The following IL1RAPL1 variants were observed in gnomAD, a reference collection of about 807,000 sequenced individuals.
IL1RAPL1 encodes interleukin 1 receptor accessory protein like 1, also known as interleukin-1 receptor accessory protein-like 1.
A neutral mutation model predicts 48.4 loss-of-function variants in IL1RAPL1; 3 were observed. The observed-to-expected ratio is 0.06, with a 90% CI of 0.03 to 0.16. The LOEUF (loss-of-function observed/expected upper bound fraction) is 0.16. Ranked by LOEUF, IL1RAPL1 falls within the 10% of genes least tolerant of loss-of-function variation. The pLI, the probability that IL1RAPL1 is intolerant of heterozygous loss-of-function variation, is 1.00. For missense variants in IL1RAPL1, 349 were observed against 530.6 expected, an observed-to-expected ratio of 0.66 and a Z score of 3.36; for synonymous variants, 185 against 187.7, an observed-to-expected ratio of 0.99 and a Z score of 0.12.
intron 6 of IL1RAPL1, among the ~76,000 whole-genome samples, chrX:29,684,424 C>T (rs1926559315): frequency 8.9e-6 from 1 of 111,760 alleles, no homozygotes; most frequent in Non-Finnish European, 1.9e-5. Context: ...CCTTCGTCAC[C>T]TGCTGATACC....
chrX:29,654,836 AT>A (rs1216735008), intron 5 of IL1RAPL1, among the ~76,000 whole-genome samples: 3 of 112,195 alleles, frequency 2.7e-5, no homozygotes, highest in East Asian at 2.8e-4. Context: ...GCAAATACGA[AT>A]TTTTTTATAA....
chrX:28,961,667 A>C (rs1175750406), intron 2 of IL1RAPL1, among the ~76,000 whole-genome samples: 1 of 111,503 alleles, frequency 9.0e-6, no homozygotes, highest in Admixed American at 9.5e-5. Context: ...TGTCCCTGCA[A>C]AGGACATGAA....
chrX:29,040,485 C>CTAG (rs772918299), intron 2 of IL1RAPL1, among the ~76,000 whole-genome samples: 174 of 111,935 alleles, frequency 1.6e-3, no homozygotes, highest in African/African-American at 5.5e-3. Flanking sequence ...CTTTGTGCTG[C>CTAG]TCCAGAGACC....
intron 1 of IL1RAPL1, among the ~76,000 whole-genome samples, chrX:28,665,491 T>G (rs780743479): frequency 1.7e-4 from 19 of 111,278 alleles, no homozygotes; most frequent in East Asian, 2.8e-4. Context: ...GGTACTTTTT[T>G]TTTGTTTGTT....
chrX:29,937,652 T>C (rs1933054342), intron 8 of IL1RAPL1, among the ~76,000 whole-genome samples: 1 of 111,995 alleles, frequency 8.9e-6, no homozygotes, highest in African/African-American at 3.2e-5. Context: ...TAGGCTTGTA[T>C]ATTACACTCC....
chrX:29,857,080 C>T (rs887620105), intron 6 of IL1RAPL1, among the ~76,000 whole-genome samples: 2 of 111,343 alleles, frequency 1.8e-5, no homozygotes, highest in Non-Finnish European at 3.8e-5. Context: ...CCCCTCTCAG[C>T]TTCACTTGAA....
chrX:28,713,058 T>A (rs1437636462), intron 1 of IL1RAPL1, among the ~76,000 whole-genome samples: 2 of 110,784 alleles, frequency 1.8e-5, no homozygotes, highest in Non-Finnish European at 3.8e-5. Context: ...AAAATATATC[T>A]ATTTTTTTTT....
At chrX:29,513,763 A>T (rs1454603605) in intron 5 of IL1RAPL1, among the ~76,000 whole-genome samples, 1 of 112,236 alleles carries the variant, frequency 8.9e-6, no homozygotes, top group Admixed American at 9.5e-5. Context: ...ATTTTAGAAT[A>T]GCTGGAACTA....
chrX:29,508,612 A>G (rs765802438), intron 5 of IL1RAPL1, among the ~76,000 whole-genome samples: 16 of 112,152 alleles, frequency 1.4e-4, no homozygotes, highest in Non-Finnish European at 2.8e-4. Context: ...AGGATCATTT[A>G]CAATTTCTCC....
At chrX:28,833,027 A>G (rs1318806254) in intron 2 of IL1RAPL1, among the ~76,000 whole-genome samples, 1 of 109,991 alleles carries the variant, frequency 9.1e-6, no homozygotes. Context: ...TGAGTACCCA[A>G]TGTTTAACTT....
intron 5 of IL1RAPL1, among the ~76,000 whole-genome samples, chrX:29,575,374 A>T (rs1010036678): frequency 2.1e-4 from 23 of 111,850 alleles, no homozygotes; most frequent in Non-Finnish European, 4.1e-4. Context: ...AAAGCGGGGA[A>T]GCCAGCAGTG....
At chrX:28,971,866 ACT>A (rs1269825198) in intron 2 of IL1RAPL1, among the ~76,000 whole-genome samples, 1 of 84,877 alleles carries the variant, frequency 1.2e-5, no homozygotes, top group African/African-American at 4.6e-5. Context: ...AAAACAAATA[ACT>A]CTGAAAATTG....
At chrX:29,298,231 A>G (rs770939391) in intron 3 of IL1RAPL1, among the ~76,000 whole-genome samples, 6 of 112,138 alleles carry the variant, frequency 5.4e-5, no homozygotes. Context: ...AGAATAGAAC[A>G]TGTCTCTTCT....
chrX:29,445,871 T>C (rs990378411), intron 5 of IL1RAPL1, among the ~76,000 whole-genome samples: 1 of 112,112 alleles, frequency 8.9e-6, no homozygotes, highest in East Asian at 2.8e-4. Context: ...TCCTTTGACT[T>C]AAAGGGGAAG....
chrX:29,426,772 G>A (rs961817549), intron 5 of IL1RAPL1, among the ~76,000 whole-genome samples: 1 of 111,215 alleles, frequency 9.0e-6, no homozygotes, highest in African/African-American at 3.3e-5. Flanking sequence ...CAAGTGAATA[G>A]CCGTACTCAA....
chrX:28,746,783 G>A (rs1352308780), intron 1 of IL1RAPL1, among the ~76,000 whole-genome samples: 1 of 111,415 alleles, frequency 9.0e-6, no homozygotes, highest in Non-Finnish European at 1.9e-5. Flanking sequence ...AATATGGTGA[G>A]GGCAAAATAA....
rs1021666842 is a variant in IL1RAPL1, at chrX:28,605,564, C to T, written c.-25+17517C>T. On this transcript the variant is annotated intron_variant, in intron 1 of 10. Transcript: ENST00000378993. ...ATCTCTTTTCTAAATTACTGCAAAC[C>T]GCCAAACTGACTCTATGCCTCTGTT... Among the ~76,000 whole-genome samples, 4 of 111,540 alleles carry T rather than the reference C, an allele frequency of 3.6e-5. No individual in the cohort carries two copies. The East Asian group carries it at 8.4e-4, about 24-fold the overall frequency.
chrX:28,976,720 G>A (rs1191916648), intron 2 of IL1RAPL1, among the ~76,000 whole-genome samples: 1 of 110,755 alleles, frequency 9.0e-6, no homozygotes, highest in African/African-American at 3.3e-5. Context: ...TGAATCTTGG[G>A]GCATTTCCAC....
At chrX:29,630,823 C>T (rs1208132287) in intron 5 of IL1RAPL1, among the ~76,000 whole-genome samples, 2 of 112,396 alleles carry the variant, frequency 1.8e-5, no homozygotes, top group Non-Finnish European at 1.9e-5. Flanking sequence ...CAGGCGTGAG[C>T]CACCGCGCCC....
Sources: allele counts gnomAD v4.1 joint callset (sites outside exome capture counted in the v4.1 genomes callset), GRCh38; gene constraint gnomAD v4.1.1; transcripts MANE v1.5; gene names NCBI Gene and HGNC (gene_info 2026-07-23, HGNC 2026-07-21).